CSMD1: variants seen among roughly 807,000 people sequenced by gnomAD.
The protein encoded by CSMD1 is CUB and Sushi multiple domains 1, also known as CUB and sushi domain-containing protein 1.
In CSMD1, 213 loss-of-function variants were observed where a neutral mutation model predicts 417.5. That is an observed-to-expected ratio of 0.51 (90% confidence interval 0.46 to 0.57). The LOEUF (loss-of-function observed/expected upper bound fraction) is 0.57, where lower values mean the gene tolerates loss of function less well. Among genes scored for constraint, CSMD1 ranks in the 20% least tolerant of loss-of-function variants. CSMD1 has a pLI of 0.00. For missense variants in CSMD1, 6,923 were observed against 4,529.7 expected, an observed-to-expected ratio of 1.53 and a Z score of -15.17; for synonymous variants, 2,862 against 1,736.8, an observed-to-expected ratio of 1.65 and a Z score of -16.11.
intron 46 of CSMD1, among the ~76,000 whole-genome samples, chr8:3,105,351 C>G (rs188320150): frequency 6.6e-6 from 1 of 152,290 alleles, no homozygotes; most frequent in Non-Finnish European, 1.5e-5. Context: ...TTGAAAGAGC[C>G]ACAATGCTCA....
At chr8:3,973,207 C>A (rs1172914447) in intron 5 of CSMD1, among the ~76,000 whole-genome samples, 1 of 152,204 alleles carries the variant, frequency 6.6e-6, no homozygotes, top group Non-Finnish European at 1.5e-5. Flanking sequence ...GTGCTGCATG[C>A]AGCTGTGCCC....
chr8:4,765,712 T>C (rs1418792946), intron 1 of CSMD1, among the ~76,000 whole-genome samples: 4 of 152,266 alleles, frequency 2.6e-5, no homozygotes, highest in Non-Finnish European at 4.4e-5. Context: ...TTGTGCCCAA[T>C]TGGGCAGGCA....
chr8:3,918,158 G>A (rs545746278), intron 5 of CSMD1, among the ~76,000 whole-genome samples: 1 of 152,190 alleles, frequency 6.6e-6, no homozygotes, highest in East Asian at 1.9e-4. Flanking sequence ...GTAAACATGG[G>A]AGTGAAAGTG....
intron 3 of CSMD1, among the ~76,000 whole-genome samples, chr8:4,216,814 A>C (rs572691354): frequency 6.6e-6 from 1 of 152,240 alleles, no homozygotes; most frequent in East Asian, 1.9e-4. Context: ...GAATTCCAAC[A>C]CAAGAAAGAG....
At chr8:4,195,110 G>A (rs1385983869) in intron 3 of CSMD1, among the ~76,000 whole-genome samples, 1 of 152,182 alleles carries the variant, frequency 6.6e-6, no homozygotes, top group Non-Finnish European at 1.5e-5. Context: ...ACAGAAACCA[G>A]ATGAAACATT....
At chr8:2,954,504 C>T (rs1035191552) in intron 64 of CSMD1, among the ~76,000 whole-genome samples, 2 of 152,002 alleles carry the variant, frequency 1.3e-5, no homozygotes, top group African/African-American at 4.8e-5. Context: ...ACGTATATTT[C>T]CATTTAAAGT....
At chr8:4,824,558 C>G (rs112810740) in intron 1 of CSMD1, among the ~76,000 whole-genome samples, 1 of 152,094 alleles carries the variant, frequency 6.6e-6, no homozygotes, top group Admixed American at 6.6e-5. Flanking sequence ...AATTACACCA[C>G]GGAAACAGTC....
intron 5 of CSMD1, among the ~76,000 whole-genome samples, chr8:3,798,954 G>A (rs1023178826): frequency 1.3e-5 from 2 of 151,884 alleles, no homozygotes; most frequent in Admixed American, 6.6e-5. Context: ...AAACTCTTTA[G>A]TAGATCCATT....
At chr8:3,091,244 T>G (rs762776096) in intron 48 of CSMD1, among the ~76,000 whole-genome samples, 5 of 152,050 alleles carry the variant, frequency 3.3e-5, no homozygotes, top group Non-Finnish European at 4.4e-5. Context: ...TTATATTAGT[T>G]TATCTTTTGG....
chr8:3,156,438 G>T (rs1370216521), intron 39 of CSMD1, among the ~76,000 whole-genome samples: 1 of 152,164 alleles, frequency 6.6e-6, no homozygotes, highest in African/African-American at 2.4e-5. Flanking sequence ...GCAAGTCTCT[G>T]TCACCAAAGC....
chr8:3,629,050 G>C (rs901655143), intron 7 of CSMD1, among the ~76,000 whole-genome samples: 4 of 152,102 alleles, frequency 2.6e-5, no homozygotes, highest in African/African-American at 9.7e-5. Context: ...CCAAGCCTTG[G>C]GGAACAGACA....
intron 3 of CSMD1, among the ~76,000 whole-genome samples, chr8:4,410,896 T>C (rs538747112): frequency 2.6e-5 from 4 of 152,288 alleles, no homozygotes; most frequent in Admixed American, 2.0e-4. Context: ...AGGTTATAAG[T>C]TCAATAAGAT....
At chr8:4,781,843 A>G (rs748323752) in intron 1 of CSMD1, among the ~76,000 whole-genome samples, 12 of 152,198 alleles carry the variant, frequency 7.9e-5, no homozygotes, top group Non-Finnish European at 1.2e-4. Flanking sequence ...ACGGTTCCAT[A>G]TTTTAGTTTA....
chr8:4,655,098 A>G (rs560088972), intron 1 of CSMD1, among the ~76,000 whole-genome samples: 6 of 151,154 alleles, frequency 4.0e-5, no homozygotes, highest in African/African-American at 9.7e-5. Flanking sequence ...CTATTAATTT[A>G]CCTATATTAC....
intron 3 of CSMD1, among the ~76,000 whole-genome samples, chr8:4,068,173 T>TA (rs1229377676): frequency 6.6e-6 from 1 of 152,096 alleles, no homozygotes; most frequent in Non-Finnish European, 1.5e-5. Context: ...AGGGTTTTCT[T>TA]AGGAAAGGGG....
At chr8:4,237,751 G>C (rs1802154535) in intron 3 of CSMD1, among the ~76,000 whole-genome samples, 1 of 152,120 alleles carries the variant, frequency 6.6e-6, no homozygotes, top group Non-Finnish European at 1.5e-5. Context: ...GGGCTCAAGT[G>C]ATCCTTCTTC....
intron 5 of CSMD1, among the ~76,000 whole-genome samples, chr8:3,967,474 A>G (rs7001755): frequency 0.49 from 73,860 of 151,372 alleles, 18,237 homozygotes; most frequent in East Asian, 0.7. Context: ...AAAAAAACAG[A>G]TGGAAAGTTG....
chr8:4,078,054 A>G (rs1799926386), intron 3 of CSMD1, among the ~76,000 whole-genome samples: 1 of 152,166 alleles, frequency 6.6e-6, no homozygotes, highest in Non-Finnish European at 1.5e-5. Context: ...AGGGAGTAGG[A>G]AAAAATATGT....
intron 23 of CSMD1, among the ~76,000 whole-genome samples, chr8:3,314,964 G>T (rs932871300): frequency 6.6e-6 from 1 of 152,170 alleles, no homozygotes; most frequent in African/African-American, 2.4e-5. Context: ...TTCATGCTCA[G>T]GTGAGCTCTG....
Sources: allele counts gnomAD v4.1 joint callset (sites outside exome capture counted in the v4.1 genomes callset), GRCh38; gene constraint gnomAD v4.1.1; transcripts MANE v1.5; gene names NCBI Gene and HGNC (gene_info 2026-07-23, HGNC 2026-07-21).